DPP6: variants seen among roughly 807,000 people sequenced by gnomAD.
The protein encoded by DPP6 is dipeptidyl peptidase like 6.
Under a neutral mutation model 122.6 loss-of-function variants are expected in DPP6, and 69 were observed. That is an observed-to-expected ratio of 0.56 (90% CI 0.46 to 0.69). The LOEUF (loss-of-function observed/expected upper bound fraction) is 0.69, where lower values mean the gene tolerates loss of function less well. Among genes scored for constraint, DPP6 ranks in the 30% least tolerant of loss-of-function variants. The pLI is 0.00. For missense variants in DPP6, 928 were observed against 1,116.9 expected, an observed-to-expected ratio of 0.83 and a Z score of 2.41; for synonymous variants, 418 against 433.1, an observed-to-expected ratio of 0.97 and a Z score of 0.43.
intron 5 of DPP6, among the ~76,000 whole-genome samples, chr7:154,611,973 A>G (rs948886199): frequency 6.6e-6 from 1 of 152,162 alleles, no homozygotes; most frequent in African/African-American, 2.4e-5. Context: ...TTACAAAAAC[A>G]TGTGTTGGAA....
intron 1 of DPP6, among the ~76,000 whole-genome samples, chr7:154,164,258 TTCCC>T (rs1200996093): frequency 2.2e-5 from 3 of 136,802 alleles, no homozygotes; most frequent in African/African-American, 8.0e-5. Context: ...CTCCTTCTCT[TTCCC>T]TCTCTCCCCC....
At chr7:153,985,033 C>A (rs1474442353) in intron 1 of DPP6, among the ~76,000 whole-genome samples, 1 of 152,178 alleles carries the variant, frequency 6.6e-6, no homozygotes, top group East Asian at 1.9e-4. Context: ...ACAGGTCCTG[C>A]CATTCACTGT....
At chr7:154,644,388 G>T (rs1361055034) in intron 6 of DPP6, among the ~76,000 whole-genome samples, 4 of 152,158 alleles carry the variant, frequency 2.6e-5, no homozygotes, top group Non-Finnish European at 5.9e-5. Flanking sequence ...AATTAAATCT[G>T]TGGCAGCCTG....
At chr7:154,290,781 A>G (rs987647736) in intron 1 of DPP6, among the ~76,000 whole-genome samples, 5 of 152,052 alleles carry the variant, frequency 3.3e-5, no homozygotes, top group African/African-American at 1.2e-4. Flanking sequence ...CTAGAATCGC[A>G]GGTCCCTTGC....
intron 1 of DPP6, among the ~76,000 whole-genome samples, chr7:153,888,432 G>A (rs1799038132): frequency 6.6e-6 from 1 of 152,194 alleles, no homozygotes; most frequent in Admixed American, 6.5e-5. Context: ...CTTTCTAAGT[G>A]GAGGACCCGG....
intron 1 of DPP6, among the ~76,000 whole-genome samples, chr7:154,365,817 A>G (rs908565136): frequency 5.3e-5 from 8 of 152,032 alleles, no homozygotes; most frequent in African/African-American, 1.9e-4. Flanking sequence ...AATTAGCCAC[A>G]CGTGGTGGCG....
rs1000249444 is a variant in DPP6 at position 154,290,978 on chromosome 7, G to A, written c.244-155236G>A. Among the ~76,000 whole-genome samples the A allele has an allele frequency of 6.6e-5, 10 of 152,298 alleles. No homozygotes were observed. The East Asian group carries it at 1.7e-3, about 26-fold the overall frequency. ...AAATTAAACAAGAGACAAAACAAAA[G>A]TAGGGACCAATCTGGAATCCAGTAA... On this transcript the variant is annotated intron_variant, in intron 1 of 25. Transcript: ENST00000377770.
At chr7:154,244,626 G>T (rs1401579540) in intron 1 of DPP6, among the ~76,000 whole-genome samples, 1 of 152,058 alleles carries the variant, frequency 6.6e-6, no homozygotes, top group Non-Finnish European at 1.5e-5. Context: ...ATATAATATT[G>T]ACTGTATATA....
At chr7:154,526,201 G>T (rs1056429859) in intron 3 of DPP6, among the ~76,000 whole-genome samples, 1 of 152,050 alleles carries the variant, frequency 6.6e-6, no homozygotes, top group Non-Finnish European at 1.5e-5. Context: ...TTCCTATTTT[G>T]TCCCACAGTG....
At chr7:153,809,117 A>G in the DPP6 span, among the ~76,000 whole-genome samples, 15 of 151,820 alleles carry the variant, frequency 9.9e-5, no homozygotes, top group Non-Finnish European at 1.5e-4. Context: ...GTCACATTGC[A>G]GTTTTGATTT....
intron 1 of DPP6, among the ~76,000 whole-genome samples, chr7:154,116,201 TTTCTC>T (rs1806972543): frequency 6.6e-6 from 1 of 152,132 alleles, no homozygotes; most frequent in Non-Finnish European, 1.5e-5. Flanking sequence ...TTATTTAAAT[TTTCTC>T]ATCCAAGGAA....
chr7:154,459,805 C>CAAAAAAAA (rs775605275), intron 2 of DPP6, among the ~76,000 whole-genome samples: 9 of 63,040 alleles, frequency 1.4e-4, no homozygotes, highest in East Asian at 8.6e-4. Context: ...GATTCCATCT[C>CAAAAAAAA]AAAAAAAAAA....
intron 5 of DPP6, among the ~76,000 whole-genome samples, chr7:154,579,637 A>C (rs1831913900): frequency 6.6e-6 from 1 of 152,204 alleles, no homozygotes; most frequent in Admixed American, 6.5e-5. Flanking sequence ...TAGAGTTGTC[A>C]TGAGTCAAAT....
chr7:154,719,822 C>T (rs769017448), intron 7 of DPP6, among the ~76,000 whole-genome samples: 1 of 152,122 alleles, frequency 6.6e-6, no homozygotes, highest in Non-Finnish European at 1.5e-5. Flanking sequence ...GAGGCTGTGC[C>T]GATTGTCATT....
intron 1 of DPP6, among the ~76,000 whole-genome samples, chr7:153,958,311 A>G (rs1474312099): frequency 2.0e-5 from 3 of 152,194 alleles, no homozygotes; most frequent in African/African-American, 7.2e-5. Context: ...TCATCTTCAC[A>G]GTATTTTTCC....
intron 1 of DPP6, among the ~76,000 whole-genome samples, chr7:154,200,727 T>C (rs555979536): frequency 1.1e-4 from 17 of 152,270 alleles, no homozygotes; most frequent in Admixed American, 6.5e-4. Flanking sequence ...TAGTGAATGA[T>C]TAAAAGAAAA....
intron 1 of DPP6, among the ~76,000 whole-genome samples, chr7:154,127,601 A>T (rs796131168): frequency 0.52 from 50,045 of 95,942 alleles, 9,921 homozygotes; most frequent in Non-Finnish European, 0.59. Flanking sequence ...AGCATCTCAC[A>T]CACACACACA....
the DPP6 span, among the ~76,000 whole-genome samples, chr7:153,860,483 C>A: frequency 6.6e-6 from 1 of 152,164 alleles, no homozygotes; most frequent in Non-Finnish European, 1.5e-5. Context: ...TGAACCAGAG[C>A]TAGAACTTCC....
At chr7:154,053,191 G>A (rs1395676147) in intron 1 of DPP6, 128 bp downstream of exon 1, 4 of 872,894 alleles carry the variant, frequency 4.6e-6, no homozygotes, top group South Asian at 1.0e-4. Context: ...ACGACTCTCC[G>A]GGCGCCCCCA....
Sources: allele counts gnomAD v4.1 joint callset (sites outside exome capture counted in the v4.1 genomes callset), GRCh38; gene constraint gnomAD v4.1.1; transcripts MANE v1.5; gene names NCBI Gene and HGNC (gene_info 2026-07-23, HGNC 2026-07-21).